Variants in SLCO2A1 observed in about 807,000 individuals in gnomAD.
SLCO2A1 encodes solute carrier organic anion transporter family member 2A1, also known as matrin F/G 1.
In SLCO2A1, 60 loss-of-function variants were observed where a neutral mutation model predicts 71.7. That is an observed-to-expected ratio of 0.84 (90% CI 0.68 to 1.04). SLCO2A1 has a LOEUF of 1.04. Among genes scored for constraint, SLCO2A1 ranks in the 50% least tolerant of loss-of-function variants. SLCO2A1 has a pLI of 0.00. For synonymous variants in SLCO2A1, 308 were observed against 326.7 expected, an observed-to-expected ratio of 0.94 and a Z score of 0.62; for missense variants, 745 against 813.4, an observed-to-expected ratio of 0.92 and a Z score of 1.02.
At chr3:133,976,152 G>A (rs752964479) in intron 2 of SLCO2A1, among the ~76,000 whole-genome samples, 5 of 152,250 alleles carry the variant, frequency 3.3e-5, no homozygotes, top group Non-Finnish European at 7.3e-5. Flanking sequence ...ATGGCCAAGA[G>A]TGAGATGGTT....
At position 133,947,413 on chromosome 3, in the gene SLCO2A1, T is replaced by C. The variant is rs1933613945; in HGVS notation, c.1138A>G (p.Met380Val). The C allele has an allele frequency of 1.2e-6, 2 of 1,613,766 alleles. No homozygotes were observed. The highest frequency in any genetic ancestry group is 1.1e-5 in the South Asian group (1 of 91,032). ...AVNLPAAALG[M>V]LFGGILMKRF... ...TTCATGAGGATTCCTCCAAACAGCATCCCCAAGGCTGCAGCAGGGAGGTTC... is the reference window on the plus strand; with the variant it reads ...TTCATGAGGATTCCTCCAAACAGCACCCCCAAGGCTGCAGCAGGGAGGTTC... The change falls in exon 9 of 14, where the codon ATG becomes GTG. Residue 380 changes from methionine (M) to valine (V), a missense_variant. Met to Val is a conservative substitution (Grantham distance 21). Coordinates refer to ENST00000310926, the MANE Select transcript of SLCO2A1 (RefSeq NM_005630.3).
chr3:133,955,744 T>C (rs1444720061), intron 3 of SLCO2A1, among the ~76,000 whole-genome samples: 1 of 152,188 alleles, frequency 6.6e-6, no homozygotes. Flanking sequence ...GGGCCTTTGC[T>C]TCTTAGTGAG....
intron 1 of SLCO2A1, among the ~76,000 whole-genome samples, chr3:134,029,197 G>A (rs76254304): frequency 0.052 from 7,953 of 152,160 alleles, 214 homozygotes; most frequent in Middle Eastern, 0.12. Flanking sequence ...GAAAGCCTGG[G>A]GAAGGAGAAC....
At chr3:133,973,613 G>T (rs1416382736) in intron 3 of SLCO2A1, 50 bp downstream of exon 3, 1 of 1,595,958 alleles carries the variant, frequency 6.3e-7, no homozygotes, top group South Asian at 1.1e-5. Flanking sequence ...AACTTTGTGA[G>T]ATGTTCACCC....
chr3:133,944,533 C>A (rs1293392041), intron 10 of SLCO2A1, among the ~76,000 whole-genome samples: 2 of 152,204 alleles, frequency 1.3e-5, no homozygotes, highest in Non-Finnish European at 2.9e-5. Flanking sequence ...AGATACATGG[C>A]TTTGAATAGA....
rs1933186605 is a variant in SLCO2A1, at chr3:133,933,330, C to T, written c.*1383G>A. ...CCACCTCTCCTCCTGCTCTCACCAA[C>T]TCCCACACCCCCAGTCCCACACTGC... On this transcript the variant is annotated 3_prime_UTR_variant, in exon 14 of 14. Transcript: ENST00000310926. 1 of 152,322 alleles carries T rather than the reference C, an allele frequency of 6.6e-6. No homozygotes were observed. The highest frequency in any genetic ancestry group is 1.5e-5 in the Non-Finnish European group (1 of 68,148). 9.4% of individuals were successfully genotyped at this position (152,322 alleles called of 1,614,324 possible). A position where few individuals can be genotyped will look rare whatever the true frequency, so the allele number is the denominator to read the frequency against.
chr3:133,938,530 T>G (rs776974588), intron 11 of SLCO2A1, 37 bp from the exon 12 acceptor site: 9 of 1,599,328 alleles, frequency 5.6e-6, no homozygotes, highest in Non-Finnish European at 7.7e-6. Flanking sequence ...GTGGGAGGAT[T>G]CAGGGCTGCA....
At chr3:133,977,269 G>A (rs1934482751) in intron 2 of SLCO2A1, among the ~76,000 whole-genome samples, 1 of 152,174 alleles carries the variant, frequency 6.6e-6, no homozygotes, top group Non-Finnish European at 1.5e-5. Context: ...TCAGATTCTT[G>A]AAAAGTTCAT....
rs759989525 is a variant in SLCO2A1, at chr3:133,947,356, G to C, written c.1195C>G (p.Arg399Gly). Residue 399 changes from arginine to glycine, a missense_variant, in exon 9 of 14, where the codon CGC (arginine) becomes GGC (glycine). Physicochemically the swap from Arg to Gly is moderately radical, Grantham distance 125 (BLOSUM62 -2). Transcript: ENST00000310926. ...RFVFSLQAIP[R>G]IATTIITISM... ...ATGGTGATGATGGTGGTAGCTATGC[G>C]GGGAATGGCTTGTAGAGAGAAAACA... The C allele has an allele frequency of 1.2e-6, 2 of 1,614,064 alleles. No homozygotes were observed. Among genetic ancestry groups the C allele is most frequent in the South Asian group, 1.1e-5 (1 of 91,072 alleles).
At chr3:133,940,614 TGGAG>T (rs1933396543) in intron 11 of SLCO2A1, among the ~76,000 whole-genome samples, 3 of 152,176 alleles carry the variant, frequency 2.0e-5, no homozygotes, top group Admixed American at 2.0e-4. Flanking sequence ...ATGTCAGGGC[TGGAG>T]GGTCCACTGT....
intron 2 of SLCO2A1, among the ~76,000 whole-genome samples, chr3:133,978,221 C>T (rs554356998): frequency 1.3e-5 from 2 of 152,138 alleles, no homozygotes; most frequent in Non-Finnish European, 2.9e-5. Flanking sequence ...ACTGGAGGAA[C>T]GGTAGAGAAG....
At position 133,932,998 on chromosome 3, in the gene SLCO2A1, T is replaced by C. The variant is rs1933177561; in HGVS notation, c.*1715A>G. ...TTGGAAATAAGCTTGTCTGTAACAG[T>C]GGTTTCCACAAAGACTTCAGTCTCA... On this transcript the variant is annotated 3_prime_UTR_variant, in exon 14 of 14. Coordinates refer to ENST00000310926, the MANE Select transcript of SLCO2A1 (RefSeq NM_005630.3). The C allele has an allele frequency of 6.5e-6, 1 of 152,678 alleles. No homozygotes were observed. The highest frequency in any genetic ancestry group is 2.1e-4 in the South Asian group (1 of 4,838). 9.5% of individuals were successfully genotyped at this position (152,678 alleles called of 1,614,324 possible).
rs550319069 is a variant in SLCO2A1 at position 134,014,186 on chromosome 3, G to A, written c.96+15521C>T. Among the ~76,000 whole-genome samples the A allele has an allele frequency of 2.0e-5, 3 of 152,282 alleles. No homozygotes were observed. The East Asian group carries it at 5.8e-4, about 29-fold the overall frequency. On this transcript the variant is annotated intron_variant, in intron 1 of 13. Transcript: ENST00000310926. ...CCAGTAGTTTGCCACATTTCTGAAG[G>A]TAGGGGTCTGCCCTGTTCGGGGGTG...
chr3:133,938,546 C>T (rs1350163693), intron 11 of SLCO2A1, 53 bp from the exon 12 acceptor site: 3 of 1,574,768 alleles, frequency 1.9e-6, no homozygotes, highest in South Asian at 1.1e-5. Context: ...CTGCACGATC[C>T]CTTGGGTAAG....
chr3:133,973,532 C>G (rs1361887700), intron 3 of SLCO2A1, 131 bp downstream of exon 3: 1 of 974,112 alleles, frequency 1.0e-6, no homozygotes, highest in Non-Finnish European at 1.5e-6. Flanking sequence ...GCTCTACATA[C>G]TTCAGTATAG....
Position 133,955,822 on chromosome 3 carries a change from G to A in SLCO2A1, c.398-629C>T, listed in dbSNP as rs550507156. Among the ~76,000 whole-genome samples, 5 of 152,330 alleles carry A rather than the reference G, an allele frequency of 3.3e-5. No homozygotes were observed. The East Asian group carries it at 9.7e-4, about 29-fold the overall frequency. ...TTAATATCCTTACCGTTCCGGGGAA[G>A]CTCCCAGAACTTCTGATGCTGGAGG... On this transcript the variant is annotated intron_variant, in intron 3 of 13. Transcript: ENST00000310926.
chr3:133,948,825 G>T, intron 7 of SLCO2A1, 68 bp downstream of exon 7: 1 of 1,590,684 alleles, frequency 6.3e-7, no homozygotes, highest in Non-Finnish European at 8.6e-7. Context: ...ACAGGGGCTG[G>T]GGTCCCCCTG....
In SLCO2A1 at chr3:133,945,244, G is replaced by A; in HGVS notation, c.1312C>T (p.His438Tyr). The A allele has an allele frequency of 6.2e-7, 1 of 1,604,656 alleles. No individual in the cohort carries two copies. The highest frequency in any genetic ancestry group is 8.5e-7 in the Non-Finnish European group (1 of 1,177,544). The change falls in exon 10 of 14, where the codon CAT becomes TAT. Residue 438 changes from histidine to tyrosine, a missense_variant. His to Tyr is a moderately conservative substitution (Grantham distance 83). Transcript: ENST00000310926. ...VYPPSTSSSI[H>Y]PQSPACRRDC... Reference sequence around the variant, plus strand: ...CTGCGGCAGGCAGGAGACTGCGGATGTATAGAACTTGATGTGCTGCCAGCA... The same window carrying A: ...CTGCGGCAGGCAGGAGACTGCGGATATATAGAACTTGATGTGCTGCCAGCA...
chr3:133,983,990 CG>C (rs1190624167), intron 1 of SLCO2A1, among the ~76,000 whole-genome samples: 1 of 152,116 alleles, frequency 6.6e-6, no homozygotes, highest in Non-Finnish European at 1.5e-5. Flanking sequence ...TGCATGGAAA[CG>C]GGGGATCCAG....
Sources: allele counts gnomAD v4.1 joint callset (sites outside exome capture counted in the v4.1 genomes callset), GRCh38; gene constraint gnomAD v4.1.1; transcripts MANE v1.5; gene names NCBI Gene and HGNC (gene_info 2026-07-23, HGNC 2026-07-21).